Variants in NDST3 observed in about 807,000 individuals in gnomAD.
NDST3 encodes the protein N-deacetylase and N-sulfotransferase 3, also known as bifunctional heparan sulfate N-deacetylase/N-sulfotransferase 3.
A neutral mutation model predicts 96.1 loss-of-function variants in NDST3; 58 were observed. The observed-to-expected ratio is 0.60, with a 90% CI of 0.49 to 0.75. NDST3 has a LOEUF of 0.75. NDST3 is among the 30% of genes least tolerant of loss of function. NDST3 has a pLI of 0.00. For synonymous variants in NDST3, 333 were observed against 359.7 expected, an observed-to-expected ratio of 0.93 and a Z score of 0.84; for missense variants, 788 against 1,034.2, an observed-to-expected ratio of 0.76 and a Z score of 3.27.
chr4:118,078,845 A>G (rs1446201090), intron 2 of NDST3, among the ~76,000 whole-genome samples: 1 of 152,102 alleles, frequency 6.6e-6, no homozygotes, highest in Non-Finnish European at 1.5e-5. Flanking sequence ...ATCAGTTTCC[A>G]TATCTTTAAA....
Position 118,105,067 on chromosome 4 carries a change from C to T in NDST3, c.1031C>T (p.Thr344Ile). 1 of 1,613,450 alleles carries T rather than the reference C, an allele frequency of 6.2e-7. No individual in the cohort carries two copies. Among genetic ancestry groups the T allele is most frequent in the East Asian group, 2.2e-5 (1 of 44,770 alleles). ...TTGCGTGCACAAATCACAAATTTTA[C>T]ATTCAACCTGGGATTTTCAGGGAAA... ...NLLRAQITNF[T>I]FNLGFSGKFY... is the part of the protein sequence containing the mutation. The change falls in exon 3 of 14, where the codon ACA (threonine) becomes ATA (isoleucine). Residue 344 changes from threonine to isoleucine, a missense_variant. Transcript: ENST00000296499.
intron 13 of NDST3, among the ~76,000 whole-genome samples, chr4:118,254,721 A>G (rs1437058413): frequency 6.6e-6 from 1 of 152,222 alleles, no homozygotes; most frequent in Non-Finnish European, 1.5e-5. Context: ...CACAATTAAT[A>G]CATTACATTA....
chr4:118,246,759 G>A (rs1392938601), intron 12 of NDST3, among the ~76,000 whole-genome samples: 3 of 152,186 alleles, frequency 2.0e-5, no homozygotes, highest in African/African-American at 7.2e-5. Context: ...GGAAATGCCA[G>A]ATGCTTATAA....
chr4:118,076,983 C>T lies in NDST3; in HGVS notation c.981+22092C>T, dbSNP rs544196441. On this transcript the variant is annotated intron_variant, in intron 2 of 13. Coordinates refer to ENST00000296499, the MANE Select transcript of NDST3 (RefSeq NM_004784.3). ...TTTTGCTTTTATCTTCTTTGATACT[C>T]TTTGAGGTTTGATTGTGGTATAAGG... Among the ~76,000 whole-genome samples the T allele has an allele frequency of 5.9e-5, 9 of 152,206 alleles. No individual in the cohort carries two copies. In the East Asian group the frequency reaches 1.7e-3, roughly 29 times the overall value.
At chr4:118,066,120 TTATATATATTATATAA>T (rs1560617438) in intron 2 of NDST3, among the ~76,000 whole-genome samples, 1 of 73,574 alleles carries the variant, frequency 1.4e-5, no homozygotes, top group African/African-American at 5.4e-5. Context: ...ATTTTATATA[TTATATATATTATATAA>T]TATATTTTAT....
chr4:118,105,205 T>A (rs1730073579), intron 3 of NDST3, 100 bp downstream of exon 3: 1 of 740,224 alleles, frequency 1.4e-6, no homozygotes, highest in South Asian at 2.1e-5. Flanking sequence ...TTCCCTATGT[T>A]CCTCCCCAGC....
chr4:118,220,026 T>C (rs531047386), intron 6 of NDST3, among the ~76,000 whole-genome samples: 50 of 152,188 alleles, frequency 3.3e-4, no homozygotes, highest in Non-Finnish European at 6.2e-4. Flanking sequence ...GGTAGGAATG[T>C]AAATTAGTTC....
intron 6 of NDST3, among the ~76,000 whole-genome samples, chr4:118,212,097 A>G (rs916401011): frequency 2.0e-5 from 3 of 152,196 alleles, no homozygotes; most frequent in Non-Finnish European, 2.9e-5. Flanking sequence ...TTTTGGATCT[A>G]ATTAGAAGAG....
In NDST3 at chr4:118,114,793, T is replaced by TCC. The variant is rs5861378; in HGVS notation, c.1070-7_1070-6dup. The TCC allele has an allele frequency of 1.6e-4, 257 of 1,603,658 alleles. No homozygotes were observed. The African/African-American group carries it at 1.6e-3, about 10-fold the overall frequency. On this transcript the variant is annotated splice_polypyrimidine_tract_variant and intron_variant, in intron 3 of 13. Coordinates refer to ENST00000296499, the MANE Select transcript of NDST3 (RefSeq NM_004784.3). ...TAACTGGAATTAATTGGATAATATT[T>TCC]CCCCCCCTAAAGGAACTGAAGAGGA... is the stretch of plus-strand genomic sequence containing the variant.
At chr4:118,224,762 G>A in intron 7 of NDST3, 89 bp downstream of exon 7, 1 of 1,133,832 alleles carries the variant, frequency 8.8e-7, no homozygotes, top group Non-Finnish European at 1.2e-6. Context: ...GAAGGCACCT[G>A]AAAAAACCTG....
intron 6 of NDST3, among the ~76,000 whole-genome samples, chr4:118,218,648 C>G (rs1739344667): frequency 6.6e-6 from 1 of 152,078 alleles, no homozygotes; most frequent in South Asian, 2.1e-4. Flanking sequence ...AGGATGGCCT[C>G]TTTCACCACT....
chr4:118,231,686 A>G (rs891536114), intron 8 of NDST3, among the ~76,000 whole-genome samples: 40 of 152,162 alleles, frequency 2.6e-4, no homozygotes, highest in Admixed American at 3.3e-4. Context: ...CAGATTGTAT[A>G]ACAGTGTAAA....
Position 118,255,648 on chromosome 4 carries a change from T to C in NDST3, c.2558T>C (p.Leu853Pro), listed in dbSNP as rs1414457231. 6.2e-7 allele frequency: 1 copy of C among 1,613,886 alleles called. No individual in the cohort carries two copies. The highest frequency in any genetic ancestry group is 8.5e-7 in the Non-Finnish European group (1 of 1,179,824). ...YRDHNVELSK[L>P]LHKLGQPLPS... ...GATCACAACGTGGAACTCTCAAAGCTGCTGCACAAACTGGGTCAGCCTCTG... is the reference window on the plus strand; with the variant it reads ...GATCACAACGTGGAACTCTCAAAGCCGCTGCACAAACTGGGTCAGCCTCTG... Residue 853 changes from leucine to proline, a missense_variant, in exon 14 of 14, where the codon CTG (leucine) becomes CCG (proline). Physicochemically the swap from Leu to Pro is moderately conservative, Grantham distance 98 (BLOSUM62 -3). Transcript: ENST00000296499.
intron 12 of NDST3, among the ~76,000 whole-genome samples, chr4:118,246,681 G>T (rs539505980): frequency 6.6e-6 from 1 of 152,266 alleles, no homozygotes; most frequent in South Asian, 2.1e-4. Flanking sequence ...AAGGCCTCAG[G>T]AAACTTACAG....
intron 4 of NDST3, among the ~76,000 whole-genome samples, chr4:118,116,836 C>T (rs554874425): frequency 1.7e-3 from 253 of 150,636 alleles, no homozygotes; most frequent in African/African-American, 5.8e-3. Context: ...CCAGCCTGGG[C>T]GACACAGCCA....
chr4:118,187,672 G>GA (rs1333604644), intron 6 of NDST3, among the ~76,000 whole-genome samples: 3 of 152,068 alleles, frequency 2.0e-5, no homozygotes, highest in African/African-American at 4.8e-5. Flanking sequence ...ACATAAGCAA[G>GA]AAAAAATGAG....
intron 2 of NDST3, among the ~76,000 whole-genome samples, chr4:118,085,663 A>G (rs140955984): frequency 6.6e-6 from 1 of 152,222 alleles, no homozygotes; most frequent in East Asian, 1.9e-4. Context: ...TTGGGTAACA[A>G]TTTTATATAT....
At chr4:118,090,796 C>G (rs1728800343) in intron 2 of NDST3, among the ~76,000 whole-genome samples, 2 of 151,742 alleles carry the variant, frequency 1.3e-5, no homozygotes, top group African/African-American at 2.4e-5. Flanking sequence ...TTAAAAGAGG[C>G]TTCTTTAGTC....
intron 4 of NDST3, among the ~76,000 whole-genome samples, chr4:118,128,573 T>C (rs1732322914): frequency 6.6e-6 from 1 of 152,000 alleles, no homozygotes; most frequent in South Asian, 2.1e-4. Flanking sequence ...TAATGTATTG[T>C]TGGATTTGCA....
Sources: allele counts gnomAD v4.1 joint callset (sites outside exome capture counted in the v4.1 genomes callset), GRCh38; gene constraint gnomAD v4.1.1; transcripts MANE v1.5; gene names NCBI Gene and HGNC (gene_info 2026-07-23, HGNC 2026-07-21).